Variants in MUC5B observed in about 807,000 individuals in gnomAD.
MUC5B encodes mucin-5B.
Under a neutral mutation model 376.9 loss-of-function variants are expected in MUC5B, and 116 were observed. The ratio of observed to expected loss-of-function variants is 0.31; its 90% CI spans 0.26 to 0.36. MUC5B has a LOEUF of 0.36. MUC5B is among the 10% of genes least tolerant of loss of function. The pLI is 1.00. For missense variants in MUC5B, 7,165 were observed against 7,769.9 expected (o/e 0.92, Z 2.93); for synonymous variants, 3,517 against 3,390.9 (o/e 1.04, Z -1.29).
rs1330960818 is a variant in MUC5B, at chr11:1,241,028, C to G, written c.4148C>G (p.Ala1383Gly). ...CTGGCTGACATCGAGTGCCGGGCGG[C>G]GCAGCTTCCCGACATGCCGCTGGAG... ...PVLADIECRA[A>G]QLPDMPLEEL... is the part of the protein sequence containing the mutation. The change falls in exon 31 of 49, where the codon GCG becomes GGG. Residue 1383 changes from alanine to glycine, a missense_variant. Around this residue, in one of 31 missense-constraint regions of MUC5B, gnomAD observed 517 missense variants for 545.3 expected, o/e 0.95. Coordinates refer to ENST00000529681, the MANE Select transcript of MUC5B (RefSeq NM_002458.3). The G allele has an allele frequency of 6.2e-7, 1 of 1,612,406 alleles. No individual in the cohort carries two copies. Among genetic ancestry groups the G allele is most frequent in the African/African-American group, 1.3e-5 (1 of 74,936 alleles).
At chr11:1,223,946 G>A (rs893542089) in intron 1 of MUC5B, among the ~76,000 whole-genome samples, 5 of 152,328 alleles carry the variant, frequency 3.3e-5, no homozygotes, top group African/African-American at 1.2e-4. Context: ...TTGGGGTCTG[G>A]GCTGGGCAGG....
At position 1,246,144 on chromosome 11, in the gene MUC5B, G is replaced by T. The variant is rs200441476; in HGVS notation, c.9264G>T (p.Met3088Ile). The change falls in exon 31 of 49, where the codon ATG becomes ATT. Residue 3088 changes from methionine (M) to isoleucine (I), a missense_variant. Transcript: ENST00000529681. Reference sequence around the variant, plus strand: ...TCCCAGAACAGACCACCACACCCATGGCCACCATGTCCACAATCCACCCCT... The same window carrying T: ...TCCCAGAACAGACCACCACACCCATTGCCACCATGTCCACAATCCACCCCT... Reference protein sequence around the residue: ...GTLPEQTTTPMATMSTIHPSS... With the variant: ...GTLPEQTTTPIATMSTIHPSS... 30 of 1,606,952 alleles carry T rather than the reference G, an allele frequency of 1.9e-5. No individual in the cohort carries two copies. The highest frequency in any genetic ancestry group is 2.4e-5 in the Non-Finnish European group (28 of 1,177,802).
At position 1,234,337 on chromosome 11, in the gene MUC5B, G is replaced by GGGAA; in HGVS notation, c.2478+35_2478+38dup. The GGGAA allele has an allele frequency of 1.3e-6, 2 of 1,537,280 alleles. No homozygotes were observed. The highest frequency in any genetic ancestry group is 2.7e-5 in the African/African-American group (2 of 73,482). ...TCCATGCTTCAGGGAGGGGTGGGCAGGGAAGGGGTCCCAGCTTTCCCAGCT... is the reference window on the plus strand; with the variant it reads ...TCCATGCTTCAGGGAGGGGTGGGCAGGGAAGGAAGGGGTCCCAGCTTTCCCAGCT... On this transcript the variant is annotated intron_variant, in intron 20 of 48. Transcript: ENST00000529681. This position sits in a 1 kb window ranked among gnomAD's most constrained non-coding sequence, Gnocchi z 6.3.
In MUC5B at chr11:1,237,096, C is replaced by G; in HGVS notation, c.3229C>G (p.Arg1077Gly). ...GGACCCCTGCACGGCCAACCCCTTC[C>G]GCAAGTCCTGGGCCCAGAAGCAGTG... Reference protein sequence around the residue: ...PKDPCTANPFRKSWAQKQCSI... With the variant: ...PKDPCTANPFGKSWAQKQCSI... Residue 1077 changes from arginine (R) to glycine (G), a missense_variant, in exon 25 of 49, where the codon CGC becomes GGC. By Grantham distance (125) the Arg-to-Gly change is moderately radical. This residue lies in a region of MUC5B where 143 missense variants were observed against 193.2 expected (regional missense o/e 0.74). Transcript: ENST00000529681. 6.4e-7 allele frequency: 1 copy of G among 1,552,546 alleles called. No homozygotes were observed. The highest frequency in any genetic ancestry group is 8.7e-7 in the Non-Finnish European group (1 of 1,147,034).
intron 31 of MUC5B, among the ~76,000 whole-genome samples, 177 bp from the exon 32 acceptor site, chr11:1,252,166 A>G (rs1463663456): frequency 1.4e-5 from 2 of 146,788 alleles, no homozygotes; most frequent in Non-Finnish European, 3.0e-5. Context: ...ACTGGTCACA[A>G]TCCGTCCCCA....
chr11:1,246,011 G>A lies in MUC5B; in HGVS notation c.9131G>A (p.Ser3044Asn). The A allele has an allele frequency of 6.2e-7, 1 of 1,611,648 alleles. No homozygotes were observed. Among genetic ancestry groups the A allele is most frequent in the South Asian group, 1.1e-5 (1 of 90,966 alleles). ...AGTTCCAAAGCCACTTCCTCCTCCA[G>A]TCCAAGGACTGCAACCACCCTTCCA... Reference protein sequence around the residue: ...ATSSKATSSSSPRTATTLPVL... With the variant: ...ATSSKATSSSNPRTATTLPVL... The change falls in exon 31 of 49, where the codon AGT becomes AAT. Residue 3044 changes from serine (S) to asparagine (N), a missense_variant. Ser to Asn is a conservative substitution (Grantham distance 46, BLOSUM62 1). Around this residue, in one of 31 missense-constraint regions of MUC5B, gnomAD observed 939 missense variants for 770.6 expected, o/e 1.22. Coordinates refer to ENST00000529681, the MANE Select transcript of MUC5B (RefSeq NM_002458.3).
chr11:1,259,542 C>A, intron 44 of MUC5B: 1 of 597,448 alleles, frequency 1.7e-6, no homozygotes, highest in Non-Finnish European at 3.0e-6. Context: ...AGGTCAGGTT[C>A]CAGGAAGGCA....
At chr11:1,225,621 G>A (rs1204105507) in intron 1 of MUC5B, 60 bp from the exon 2 acceptor site, 2 of 1,488,364 alleles carry the variant, frequency 1.3e-6, no homozygotes, top group African/African-American at 2.8e-5. Flanking sequence ...GTCCGTGGTT[G>A]GGTTCGTGGC....
rs56241322 is a variant in MUC5B, at chr11:1,225,673, T to C, written c.71-8T>C. On this transcript the variant is annotated splice_region_variant and splice_polypyrimidine_tract_variant and intron_variant, in intron 1 of 48. Coordinates refer to ENST00000529681, the MANE Select transcript of MUC5B (RefSeq NM_002458.3). ...TTCCTCACTGACTCCCATTCCCTCT[T>C]CCCACAGAGACCCAGGGCCCTGTGG... is the stretch of plus-strand genomic sequence containing the variant. 8 of 1,596,016 alleles carry C rather than the reference T, an allele frequency of 5.0e-6. No homozygotes were observed. The East Asian group carries it at 6.8e-5, about 14-fold the overall frequency.
chr11:1,255,010 T>A (rs1186748186), intron 35 of MUC5B, 31 bp from the exon 36 acceptor site: 30 of 1,551,588 alleles, frequency 1.9e-5, no homozygotes, highest in African/African-American at 2.7e-5. Flanking sequence ...CTCCCCAGAT[T>A]CCAGCCCCGC....
In MUC5B at chr11:1,233,119, T is replaced by C; in HGVS notation, c.2172T>C (p.Val724=). 2.5e-6 allele frequency: 4 copies of C among 1,607,924 alleles called. No homozygotes were observed. Among genetic ancestry groups the C allele is most frequent in the Non-Finnish European group, 3.4e-6 (4 of 1,179,482 alleles). The change falls in exon 18 of 49, where the codon GTT becomes GTC. Residue 724 remains valine (V), a synonymous_variant. Transcript: ENST00000529681. The stretch of plus-strand genomic sequence containing the variant: ...GTGAGGCCGACGTCACCTGCAGCGT[T>C]TCCTTCGTGCCTGTGGACGGCTGCA... ...GLSEADVTCS[V]SFVPVDGCTC... is the part of the protein sequence containing the mutation.
Position 1,251,316 on chromosome 11 carries a change from T to C in MUC5B, c.14436T>C (p.Thr4812=). ...ATNSTATPSS[T]LGTTRILTEL... ...ATTCCACGGCCACACCCTCCTCCACTCTGGGGACGACCCGGATCCTCACTG... is the reference window on the plus strand; with the variant it reads ...ATTCCACGGCCACACCCTCCTCCACCCTGGGGACGACCCGGATCCTCACTG... The change falls in exon 31 of 49, where the codon ACT becomes ACC. Residue 4812 remains threonine (T), a synonymous_variant. Coordinates refer to ENST00000529681, the MANE Select transcript of MUC5B (RefSeq NM_002458.3). 6.2e-7 allele frequency: 1 copy of C among 1,605,150 alleles called. No individual in the cohort carries two copies. The highest frequency in any genetic ancestry group is 8.5e-7 in the Non-Finnish European group (1 of 1,174,782).
chr11:1,247,121 C>A lies in MUC5B; in HGVS notation c.10241C>A (p.Pro3414His), dbSNP rs1453068930. The change falls in exon 31 of 49, where the codon CCC (proline) becomes CAC (histidine). Residue 3414 changes from proline (P) to histidine (H), a missense_variant. Pro to His is a moderately conservative substitution (Grantham distance 77). This residue lies in a region of MUC5B where 939 missense variants were observed against 770.6 expected (regional missense o/e 1.22). Transcript: ENST00000529681. ...CCCTCCTCAACTCCAGGGACAACTC[C>A]CATCCCCCCAGTGCTGACCACCACC... ...TNPSSTPGTT[P>H]IPPVLTTTAT... 4 of 1,568,260 alleles carry A rather than the reference C, an allele frequency of 2.6e-6. No individual in the cohort carries two copies. The East Asian group carries it at 7.3e-5, about 28-fold the overall frequency.
rs2735715 is a variant in MUC5B at position 1,233,046 on chromosome 11, G to T, written c.2099G>T (p.Arg700Leu). ...KYMQNCPKSQ[R>L]YAYVVDACQP... ...ATGCAGAACTGCCCCAAGTCCCAGC[G>T]CTACGCCTACGTGGTGGATGCCTGC... The change falls in exon 18 of 49, where the codon CGC becomes CTC. Residue 700 changes from arginine to leucine, a missense_variant. This residue lies in a region of MUC5B where 530 missense variants were observed against 604.0 expected (regional missense o/e 0.88). Coordinates refer to ENST00000529681, the MANE Select transcript of MUC5B (RefSeq NM_002458.3). The T allele has an allele frequency of 8.1e-6, 13 of 1,602,270 alleles. No individual in the cohort carries two copies. The highest frequency in any genetic ancestry group is 1.1e-5 in the Non-Finnish European group (13 of 1,178,042).
Position 1,258,969 on chromosome 11 carries a change from C to T in MUC5B, c.16621C>T (p.Pro5541Ser). The change falls in exon 44 of 49, where the codon CCC becomes TCC. Residue 5541 changes from proline to serine, a missense_variant. Physicochemically the swap from Pro to Ser is moderately conservative, Grantham distance 74. This residue lies in a region of MUC5B where 842 missense variants were observed against 1,016.9 expected (regional missense o/e 0.83). Transcript: ENST00000529681. The surrounding 1 kb of genome is among the most constrained non-coding windows in gnomAD (Gnocchi z 5.5). ...TGGTGCAACCTTCCCAGGCGCCCTT[C>T]CCTGCCACATGTGTACCTGCCTCTC... ...GVGATFPGAL[P>S]CHMCTCLSGD... 1 of 1,554,284 alleles carries T rather than the reference C, an allele frequency of 6.4e-7. No homozygotes were observed. Among genetic ancestry groups the T allele is most frequent in the Non-Finnish European group, 8.7e-7 (1 of 1,149,496 alleles).
Position 1,252,456 on chromosome 11 carries a change from G to C in MUC5B, c.14977G>C (p.Val4993Leu), listed in dbSNP as rs753336092. The C allele has an allele frequency of 1.2e-6, 2 of 1,609,440 alleles. No individual in the cohort carries two copies. The highest frequency in any genetic ancestry group is 2.7e-5 in the African/African-American group (2 of 74,884). ...QGACPTSPPP[V>L]SSAPLSSPSP... ...CGCCTGTCCCACCTCCCCACCGCCA[G>C]TGTCCTCCGCCCCGCTGTCCTCGCC... Residue 4993 changes from valine to leucine, a missense_variant, in exon 32 of 49, where the codon GTG becomes CTG. By Grantham distance (32) the Val-to-Leu change is conservative. Coordinates refer to ENST00000529681, the MANE Select transcript of MUC5B (RefSeq NM_002458.3).
chr11:1,236,258 C>T (rs1862154107), intron 23 of MUC5B, 128 bp from the exon 24 acceptor site: 1 of 903,250 alleles, frequency 1.1e-6, no homozygotes, highest in Non-Finnish European at 1.6e-6. Flanking sequence ...CAGCTCACCC[C>T]TAACGCCAGC....
At position 1,252,548 on chromosome 11, in the gene MUC5B, T is replaced by C. The variant is rs750747307; in HGVS notation, c.15045+24T>C. 7 of 1,512,912 alleles carry C rather than the reference T, an allele frequency of 4.6e-6. No individual in the cohort carries two copies. In the African/African-American group the frequency reaches 8.3e-5, roughly 18 times the overall value. The allele number at this position is 1,512,912 out of a possible 1,614,324, so 93.7% of individuals were successfully genotyped here. ...AGGTGGGCCCCGCCTGCCCTCCACCTCCCGTGCTGCGTGCACACGGTCTGG... is the reference window on the plus strand; with the variant it reads ...AGGTGGGCCCCGCCTGCCCTCCACCCCCCGTGCTGCGTGCACACGGTCTGG... On this transcript the variant is annotated intron_variant, in intron 32 of 48. Coordinates refer to ENST00000529681, the MANE Select transcript of MUC5B (RefSeq NM_002458.3).
chr11:1,230,382 A>G, intron 11 of MUC5B, 108 bp from the exon 12 acceptor site: 2 of 1,191,158 alleles, frequency 1.7e-6, no homozygotes, highest in Non-Finnish European at 2.3e-6. Context: ...GCCAAGGACC[A>G]CCTCCCCACA....
Sources: allele counts gnomAD v4.1 joint callset (sites outside exome capture counted in the v4.1 genomes callset), GRCh38; gene constraint gnomAD v4.1.1; regional missense constraint gnomAD v4.1.1; non-coding constraint Gnocchi (gnomAD v3.1); transcripts MANE v1.5; gene names NCBI Gene and HGNC (gene_info 2026-07-23, HGNC 2026-07-21).